The following RFX3 variants were observed in gnomAD, a reference collection of about 807,000 sequenced individuals.
RFX3 encodes the protein regulatory factor X3, also known as transcription factor RFX3.
RFX3 carries 14 observed loss-of-function variants against 98.6 expected under a neutral mutation model. The observed-to-expected ratio is 0.14, with a 90% CI of 0.09 to 0.22. RFX3 has a LOEUF of 0.22. Among genes scored for constraint, RFX3 ranks in the 10% least tolerant of loss-of-function variants. RFX3 has a pLI of 1.00. For synonymous variants in RFX3, 383 were observed against 328.4 expected, an observed-to-expected ratio of 1.17 and a Z score of -1.80; for missense variants, 639 against 926.9, an observed-to-expected ratio of 0.69 and a Z score of 4.03.
intron 1 of RFX3, chr9:3,420,892 T>C (rs1843383332): frequency 1.0e-6 from 1 of 985,056 alleles, no homozygotes; most frequent in Non-Finnish European, 1.2e-6. Context: ...AAGATATCCT[T>C]GGGTCAAATC....
At chr9:3,315,296 G>A (rs950855998) in intron 4 of RFX3, among the ~76,000 whole-genome samples, 19 of 152,162 alleles carry the variant, frequency 1.2e-4, no homozygotes, top group Admixed American at 2.6e-4. Flanking sequence ...CGAAATGAAG[G>A]CAGAAATAAA....
intron 11 of RFX3, among the ~76,000 whole-genome samples, chr9:3,269,274 C>A (rs926059821): frequency 2.0e-5 from 3 of 151,870 alleles, no homozygotes; most frequent in Non-Finnish European, 2.9e-5. Flanking sequence ...TATTAAAGAT[C>A]TCATACCTTC....
At chr9:3,386,609 T>G (rs1839741017) in intron 2 of RFX3, among the ~76,000 whole-genome samples, 1 of 151,896 alleles carries the variant, frequency 6.6e-6, no homozygotes, top group South Asian at 2.1e-4. Context: ...CTCAAAGAAA[T>G]ACAAGAGGAA....
intron 1 of RFX3, among the ~76,000 whole-genome samples, chr9:3,421,605 T>C (rs1178414954): frequency 6.6e-6 from 1 of 152,210 alleles, no homozygotes; most frequent in African/African-American, 2.4e-5. Context: ...CCTTGACCTA[T>C]ATGAATTCAT....
At chr9:3,461,469 C>G (rs752322465) in intron 1 of RFX3, among the ~76,000 whole-genome samples, 3 of 151,302 alleles carry the variant, frequency 2.0e-5, no homozygotes, top group African/African-American at 7.2e-5. Context: ...CTAAATACAT[C>G]TATCAGTTTT....
At chr9:3,477,072 T>C (rs1849333890) in intron 1 of RFX3, among the ~76,000 whole-genome samples, 1 of 152,120 alleles carries the variant, frequency 6.6e-6, no homozygotes, top group Admixed American at 6.5e-5. Flanking sequence ...ATTTTCAGTA[T>C]AATTTTTGTT....
chr9:3,324,902 T>G (rs1176152304), intron 4 of RFX3, among the ~76,000 whole-genome samples: 2 of 151,968 alleles, frequency 1.3e-5, no homozygotes, highest in Non-Finnish European at 2.9e-5. Flanking sequence ...AGGTGGAGGT[T>G]GCAGTGAGCC....
intron 16 of RFX3, among the ~76,000 whole-genome samples, chr9:3,228,458 G>A (rs1026028014): frequency 1.3e-5 from 2 of 152,174 alleles, no homozygotes; most frequent in African/African-American, 4.8e-5. Context: ...AGTAGGAACT[G>A]GTGAGGTAGG....
At chr9:3,345,297 T>C (rs145328581) in intron 3 of RFX3, among the ~76,000 whole-genome samples, 24 of 151,962 alleles carry the variant, frequency 1.6e-4, no homozygotes, top group African/African-American at 5.5e-4. Context: ...TCCAAAAACA[T>C]AGAAGTATGA....
intron 5 of RFX3, among the ~76,000 whole-genome samples, chr9:3,300,104 C>A (rs189830018): frequency 1.5e-4 from 23 of 151,458 alleles, no homozygotes; most frequent in Admixed American, 1.3e-3. Flanking sequence ...ATCATCACCC[C>A]CCGGACACAC....
intron 3 of RFX3, among the ~76,000 whole-genome samples, chr9:3,342,565 A>T (rs955261974): frequency 3.9e-5 from 6 of 152,198 alleles, no homozygotes; most frequent in African/African-American, 1.4e-4. Flanking sequence ...TTTGACCATA[A>T]TACAGCATGA....
chr9:3,525,034 T>TA (rs1819114604), intron 1 of RFX3, among the ~76,000 whole-genome samples: 1 of 151,636 alleles, frequency 6.6e-6, no homozygotes, highest in Non-Finnish European at 1.5e-5. Flanking sequence ...GAATGGATGT[T>TA]AAGACTGTTT....
chr9:3,337,424 C>T (rs1833318680), intron 3 of RFX3, among the ~76,000 whole-genome samples: 1 of 152,206 alleles, frequency 6.6e-6, no homozygotes, highest in African/African-American at 2.4e-5. Flanking sequence ...AAGCCAGGTA[C>T]TGGCTTTTCC....
chr9:3,378,542 AT>A (rs1002122521), intron 2 of RFX3, among the ~76,000 whole-genome samples: 21 of 133,194 alleles, frequency 1.6e-4, no homozygotes, highest in African/African-American at 5.6e-4. Context: ...TCTTTCTCAT[AT>A]TTTTTTTCTT....
intron 1 of RFX3, among the ~76,000 whole-genome samples, chr9:3,515,449 G>C (rs1818062455): frequency 6.6e-6 from 1 of 152,126 alleles, no homozygotes; most frequent in South Asian, 2.1e-4. Context: ...GATCACCTGA[G>C]TCTTCTGTCT....
chr9:3,301,459 A>C (rs1053866373), intron 5 of RFX3, 87 bp downstream of exon 5: 6 of 894,166 alleles, frequency 6.7e-6, no homozygotes, highest in African/African-American at 6.7e-5. Context: ...AAAATAAATA[A>C]GTAAATAAAT....
chr9:3,424,370 T>TGG (rs1564082758), intron 1 of RFX3, among the ~76,000 whole-genome samples: 2 of 105,366 alleles, frequency 1.9e-5, no homozygotes. Context: ...TTTTTTTTTT[T>TGG]TTTTTTTTTG....
At chr9:3,519,569 T>A (rs1818501870) in intron 1 of RFX3, among the ~76,000 whole-genome samples, 1 of 152,124 alleles carries the variant, frequency 6.6e-6, no homozygotes, top group Non-Finnish European at 1.5e-5. Context: ...CCTTTAATCC[T>A]CACAAAACCC....
At chr9:3,469,110 CTA>C (rs1286506635) in intron 1 of RFX3, 2 of 427,160 alleles carry the variant, frequency 4.7e-6, no homozygotes, top group African/African-American at 2.0e-5. Context: ...TACAATGAAA[CTA>C]TGTTACAGAT....
Sources: allele counts gnomAD v4.1 joint callset (sites outside exome capture counted in the v4.1 genomes callset), GRCh38; gene constraint gnomAD v4.1.1; transcripts MANE v1.5; gene names NCBI Gene and HGNC (gene_info 2026-07-23, HGNC 2026-07-21).